CTNNA2: variants seen among roughly 807,000 people sequenced by gnomAD.
CTNNA2 encodes the protein catenin alpha-2.
In CTNNA2, 42 loss-of-function variants were observed where a neutral mutation model predicts 101.0. That is an observed-to-expected ratio of 0.42 (90% CI 0.32 to 0.54). CTNNA2 has a LOEUF of 0.54. Among genes scored for constraint, CTNNA2 ranks in the 20% least tolerant of loss-of-function variants. The pLI is 0.14. For missense variants in CTNNA2, 871 were observed against 1,223.1 expected (o/e 0.71, Z 4.29); for synonymous variants, 450 against 456.4 (o/e 0.99, Z 0.18).
At chr2:80,525,582 C>T (rs1265666841) in intron 9 of CTNNA2, among the ~76,000 whole-genome samples, 1 of 152,168 alleles carries the variant, frequency 6.6e-6, no homozygotes, top group Non-Finnish European at 1.5e-5. Context: ...CAATTTCCCC[C>T]TCACCCATCT....
chr2:80,477,029 T>G (rs2149493599), intron 9 of CTNNA2, among the ~76,000 whole-genome samples: 1 of 152,324 alleles, frequency 6.6e-6, no homozygotes. Flanking sequence ...GTAGAATAAT[T>G]ACTATTTAGA....
At chr2:79,402,858 A>G (rs1678304719) in intron 4 of CTNNA2, among the ~76,000 whole-genome samples, 1 of 151,892 alleles carries the variant, frequency 6.6e-6, no homozygotes, top group Admixed American at 6.6e-5. Flanking sequence ...TACACAGCAC[A>G]GTGTTAAATA....
intron 3 of CTNNA2, among the ~76,000 whole-genome samples, chr2:79,819,737 G>T (rs998864730): frequency 7.9e-5 from 12 of 152,098 alleles, no homozygotes; most frequent in African/African-American, 1.2e-4. Context: ...GCACAATAGG[G>T]CAACTATAGT....
intron 3 of CTNNA2, among the ~76,000 whole-genome samples, chr2:79,833,661 C>G (rs1400794321): frequency 2.0e-5 from 3 of 152,176 alleles, no homozygotes; most frequent in African/African-American, 4.8e-5. Flanking sequence ...TGGTACATCA[C>G]TATATCATCA....
chr2:79,563,029 T>A (rs1379978493), intron 1 of CTNNA2, among the ~76,000 whole-genome samples: 1 of 151,832 alleles, frequency 6.6e-6, no homozygotes, highest in East Asian at 1.9e-4. Context: ...ACCAAGAAGG[T>A]GTGTATTCAT....
intron 3 of CTNNA2, among the ~76,000 whole-genome samples, chr2:79,811,570 G>C (rs1159175356): frequency 1.3e-5 from 2 of 152,178 alleles, no homozygotes; most frequent in Admixed American, 6.6e-5. Context: ...AATGTGTTCT[G>C]TTGCATCAAT....
In CTNNA2 at chr2:79,335,559, C is replaced by T. The variant is rs551258856; in HGVS notation, c.-318+22763C>T. 3.3e-5 allele frequency among the ~76,000 whole-genome samples: 5 copies of T among 152,258 alleles called. No homozygotes were observed. The South Asian group carries it at 8.3e-4, about 25-fold the overall frequency. ...AAAATTTACATTTTTTCACAAAAGC[C>T]TTTTGAAAAGTCCCAAAAGTTCAAT... On this transcript the variant is annotated intron_variant, in intron 3 of 21. Coordinates refer to the CTNNA2 transcript ENST00000466387.
intron 7 of CTNNA2, among the ~76,000 whole-genome samples, chr2:80,180,935 G>T (rs889632536): frequency 9.9e-5 from 15 of 152,092 alleles, no homozygotes; most frequent in African/African-American, 3.4e-4. Context: ...CAGAATCCCT[G>T]CTTAGTGGAC....
At chr2:79,558,607 T>C (rs570971022) in intron 1 of CTNNA2, among the ~76,000 whole-genome samples, 1 of 151,970 alleles carries the variant, frequency 6.6e-6, no homozygotes, top group Admixed American at 6.6e-5. Flanking sequence ...AGAAAACCAA[T>C]TTTCTGTTTG....
At chr2:79,712,868 G>C (rs1417499260) in intron 2 of CTNNA2, among the ~76,000 whole-genome samples, 6 of 152,082 alleles carry the variant, frequency 3.9e-5, no homozygotes, top group Non-Finnish European at 8.8e-5. Flanking sequence ...AGATCTAATG[G>C]ATAAATTAAG....
intron 7 of CTNNA2, among the ~76,000 whole-genome samples, chr2:80,391,896 A>C (rs1467535864): frequency 6.6e-6 from 1 of 152,230 alleles, no homozygotes; most frequent in South Asian, 2.1e-4. Context: ...GGAGTGGGAA[A>C]GGATGATGGG....
intron 7 of CTNNA2, among the ~76,000 whole-genome samples, chr2:80,132,681 T>A (rs1353948890): frequency 6.6e-6 from 1 of 152,158 alleles, no homozygotes; most frequent in Admixed American, 6.6e-5. Flanking sequence ...AATGCAGGCA[T>A]TGATGTGAGT....
chr2:79,905,026 C>T (rs992105978), intron 6 of CTNNA2, among the ~76,000 whole-genome samples: 5 of 152,162 alleles, frequency 3.3e-5, no homozygotes, highest in Admixed American at 3.3e-4. Context: ...ACTAGAGAGA[C>T]TGTTATAGCA....
chr2:79,246,299 G>A (rs1417471846), intron 2 of CTNNA2, among the ~76,000 whole-genome samples: 1 of 152,026 alleles, frequency 6.6e-6, no homozygotes, highest in African/African-American at 2.4e-5. Context: ...CCAGACCAGG[G>A]TACACCACTT....
rs942813848 is a variant in CTNNA2 at position 80,079,559 on chromosome 2, A to G, written c.1056+169762A>G. ...GCTGGGCGCAGTGGCTCACGCCCGCAGTCCCAGTACTTTGGAGGCTGAGGC... is the reference window on the plus strand; with the variant it reads ...GCTGGGCGCAGTGGCTCACGCCCGCGGTCCCAGTACTTTGGAGGCTGAGGC... On this transcript the variant is annotated intron_variant, in intron 7 of 18. Transcript: ENST00000402739. 4.6e-5 allele frequency among the ~76,000 whole-genome samples: 7 copies of G among 152,350 alleles called. No individual in the cohort carries two copies. The East Asian group carries it at 1.4e-3, about 29-fold the overall frequency.
At chr2:79,318,952 T>C (rs1676556956) in intron 3 of CTNNA2, among the ~76,000 whole-genome samples, 1 of 152,196 alleles carries the variant, frequency 6.6e-6, no homozygotes. Flanking sequence ...AACTGACTAC[T>C]ACTGAAATAC....
chr2:79,608,331 T>C (rs1365741048), intron 1 of CTNNA2, among the ~76,000 whole-genome samples: 1 of 152,030 alleles, frequency 6.6e-6, no homozygotes, highest in Non-Finnish European at 1.5e-5. Context: ...TGCCCAAACA[T>C]GTAAAGAAGA....
At chr2:80,174,562 G>A (rs76199716) in intron 7 of CTNNA2, among the ~76,000 whole-genome samples, 1,864 of 152,146 alleles carry the variant, frequency 0.012, 49 homozygotes, top group African/African-American at 0.042. Flanking sequence ...TCCTCTGACC[G>A]GGTTGCTATT....
At chr2:79,480,473 T>G (rs559045576) in intron 4 of CTNNA2, among the ~76,000 whole-genome samples, 12 of 152,336 alleles carry the variant, frequency 7.9e-5, no homozygotes, top group African/African-American at 2.6e-4. Flanking sequence ...GAAAATTATC[T>G]TCTATTATCC....
Sources: allele counts gnomAD v4.1 joint callset (sites outside exome capture counted in the v4.1 genomes callset), GRCh38; gene constraint gnomAD v4.1.1; transcripts MANE v1.5; gene names NCBI Gene and HGNC (gene_info 2026-07-23, HGNC 2026-07-21).